Variants in TRIM37 observed in about 807,000 individuals in gnomAD.
TRIM37 encodes the protein tripartite motif containing 37.
In TRIM37, 80 loss-of-function variants were observed where a neutral mutation model predicts 129.8. The observed-to-expected ratio is 0.62, with a 90% CI of 0.51 to 0.74. The LOEUF (loss-of-function observed/expected upper bound fraction) is 0.74, where lower values mean the gene tolerates loss of function less well. Ranked by LOEUF, TRIM37 falls within the 30% of genes least tolerant of loss-of-function variation. The pLI, the probability that TRIM37 is intolerant of heterozygous loss-of-function variation, is 0.00. For synonymous variants in TRIM37, 389 were observed against 387.1 expected (o/e 1.00, Z -0.06); for missense variants, 1,054 against 1,176.5 (o/e 0.90, Z 1.52).
chr17:59,079,893 G>C lies in TRIM37; in HGVS notation c.493-16C>G. ...CATTCCTTTCCTAGAAGATAAAGAGGTAAGAATAATTTTAATTGGGTAAAT... is the reference window on the plus strand; with the variant it reads ...CATTCCTTTCCTAGAAGATAAAGAGCTAAGAATAATTTTAATTGGGTAAAT... On this transcript the variant is annotated splice_polypyrimidine_tract_variant and intron_variant, in intron 6 of 23. Coordinates refer to ENST00000262294, the MANE Select transcript of TRIM37 (RefSeq NM_015294.6). 6.2e-7 allele frequency: 1 copy of C among 1,612,848 alleles called. No homozygotes were observed. Among genetic ancestry groups the C allele is most frequent in the Non-Finnish European group, 8.5e-7 (1 of 1,179,188 alleles).
intron 4 of TRIM37, among the ~76,000 whole-genome samples, chr17:59,086,587 T>C (rs978399178): frequency 1.3e-5 from 2 of 152,132 alleles, no homozygotes; most frequent in Admixed American, 1.3e-4. Flanking sequence ...GACACTGAGC[T>C]TAGAGAAAAT....
At chr17:59,077,259 T>C (rs2042888593) in intron 7 of TRIM37, among the ~76,000 whole-genome samples, 1 of 149,612 alleles carries the variant, frequency 6.7e-6, no homozygotes, top group African/African-American at 2.4e-5. Context: ...CACACCTGGC[T>C]AATTTTTCTT....
Position 59,064,514 on chromosome 17 carries a change from A to T in TRIM37, c.810-109T>A. The T allele has an allele frequency of 1.4e-5, 10 of 711,344 alleles. No homozygotes were observed. In the South Asian group the frequency reaches 1.6e-4, roughly 11 times the overall value. The allele number at this position is 711,344 out of a possible 1,614,324, so 44.1% of individuals were successfully genotyped here. On this transcript the variant is annotated intron_variant, in intron 9 of 23. Transcript: ENST00000262294. ...ATCTTAAAAACTTTATTAAACTAAA[A>T]TCTAAGAAATATTTTTAAATCTTTA...
chr17:58,981,240 C>T, downstream of TRIM37: 1 of 526,748 alleles, frequency 1.9e-6, no homozygotes, highest in Non-Finnish European at 3.3e-6. Flanking sequence ...CAAAATTACA[C>T]AGCTGGTCCC....
At chr17:59,094,445 T>C (rs1266169291) in intron 2 of TRIM37, among the ~76,000 whole-genome samples, 1 of 152,194 alleles carries the variant, frequency 6.6e-6, no homozygotes, top group Admixed American at 6.6e-5. Context: ...AGTATTCAGA[T>C]CTGTGTCTGA....
intron 14 of TRIM37, among the ~76,000 whole-genome samples, chr17:59,050,838 G>A (rs183395534): frequency 2.6e-5 from 4 of 152,136 alleles, no homozygotes; most frequent in East Asian, 1.9e-4. Context: ...AAATTAGCCC[G>A]GTGTGGTGGC....
intron 5 of TRIM37, among the ~76,000 whole-genome samples, chr17:59,082,472 T>C (rs1363516610): frequency 2.0e-5 from 3 of 152,132 alleles, no homozygotes; most frequent in Non-Finnish European, 4.4e-5. Context: ...GATATGTTCA[T>C]CACCAAATCC....
At chr17:59,067,791 C>T (rs71372872) in intron 9 of TRIM37, among the ~76,000 whole-genome samples, 2 of 144,252 alleles carry the variant, frequency 1.4e-5, no homozygotes, top group African/African-American at 2.4e-5. Flanking sequence ...CCGCCTCGGC[C>T]TCCCAAGGTG....
chr17:59,021,074 C>T (rs2145266330), intron 19 of TRIM37, among the ~76,000 whole-genome samples: 1 of 152,266 alleles, frequency 6.6e-6, no homozygotes, highest in Non-Finnish European at 1.5e-5. Context: ...TGGAAGCAAC[C>T]TAAGATCCAC....
At chr17:58,980,475 A>T, downstream of TRIM37, 1 of 1,614,148 alleles carries the variant, frequency 6.2e-7, no homozygotes, top group Non-Finnish European at 8.5e-7. This position sits in a 1 kb window ranked among gnomAD's most constrained non-coding sequence, Gnocchi z 4.7. Flanking sequence ...GGCTACCTAG[A>T]TCTCACACAA....
intron 22 of TRIM37, among the ~76,000 whole-genome samples, chr17:59,009,706 A>G (rs1009417102): frequency 2.6e-5 from 4 of 152,156 alleles, no homozygotes; most frequent in African/African-American, 9.7e-5. Context: ...TTGGCCTCCC[A>G]AAGTGTTGGG....
At chr17:59,063,009 C>T (rs890890140) in intron 10 of TRIM37, among the ~76,000 whole-genome samples, 1 of 152,126 alleles carries the variant, frequency 6.6e-6, no homozygotes, top group African/African-American at 2.4e-5. Context: ...ATGTTTCTTC[C>T]TCGCTTCTCT....
At chr17:59,053,253 T>C (rs2040520910) in intron 13 of TRIM37, among the ~76,000 whole-genome samples, 2 of 152,176 alleles carry the variant, frequency 1.3e-5, no homozygotes, top group Admixed American at 1.3e-4. Flanking sequence ...GAATGAAACA[T>C]ACATTCATAG....
At position 59,106,504 on chromosome 17, in the gene TRIM37, C is replaced by G. The variant is rs774482623; in HGVS notation, c.-43G>C. The stretch of plus-strand genomic sequence containing the variant: ...GGGGCCGCTGGCGACCCGCAGGCTC[C>G]GCAGTCTGACCTCTTAGGCGCCGGC... On this transcript the variant is annotated 5_prime_UTR_variant, in exon 1 of 24. Coordinates refer to ENST00000262294, the MANE Select transcript of TRIM37 (RefSeq NM_015294.6). 6.2e-7 allele frequency: 1 copy of G among 1,612,346 alleles called. No homozygotes were observed. The highest frequency in any genetic ancestry group is 1.3e-5 in the African/African-American group (1 of 74,874).
In TRIM37 at chr17:59,003,052, T is replaced by C. The variant is rs138267545; in HGVS notation, c.2696-1338A>G. Among the ~76,000 whole-genome samples the C allele has an allele frequency of 2.4e-3, 360 of 152,268 alleles. 4 individuals are homozygous for C. Among genetic ancestry groups the C allele is most frequent in the African/African-American group, 8.3e-3 (344 of 41,548 alleles). On this transcript the variant is annotated intron_variant, in intron 22 of 23. Coordinates refer to ENST00000262294, the MANE Select transcript of TRIM37 (RefSeq NM_015294.6). Reference sequence around the variant, plus strand: ...ATCACACCTGGCTAATTTTTGTAATTTGTTAGTAGACATGGGATTTCGCCA... The same window carrying C: ...ATCACACCTGGCTAATTTTTGTAATCTGTTAGTAGACATGGGATTTCGCCA...
Position 59,042,786 on chromosome 17 carries a change from A to C in TRIM37, c.1668-888T>G, listed in dbSNP as rs980995549. ...TCAAGGAGGACAGGACAGGACAGGAAAGGAAAGGAAAGGAAGATTAAAAAA... is the reference window on the plus strand; with the variant it reads ...TCAAGGAGGACAGGACAGGACAGGACAGGAAAGGAAAGGAAGATTAAAAAA... On this transcript the variant is annotated intron_variant, in intron 16 of 23. Coordinates refer to ENST00000262294, the MANE Select transcript of TRIM37 (RefSeq NM_015294.6). Among the ~76,000 whole-genome samples, 27 of 152,008 alleles carry C rather than the reference A, an allele frequency of 1.8e-4. 1 individual carries two copies. Among genetic ancestry groups the C allele is most frequent in the South Asian group, 6.2e-4 (3 of 4,806 alleles).
rs1480565091 is a variant in TRIM37, at chr17:59,015,481, A to G, written c.2576+129T>C. ...TAAAAAAGTTAAAATTTAGTGCAAT[A>G]AATGTATTTTCTGTCCACTAAAAAA... is the stretch of plus-strand genomic sequence containing the variant. On this transcript the variant is annotated intron_variant, in intron 21 of 23. Coordinates refer to ENST00000262294, the MANE Select transcript of TRIM37 (RefSeq NM_015294.6). 6.2e-6 allele frequency: 6 copies of G among 970,008 alleles called. No individual in the cohort carries two copies. In the African/African-American group the frequency reaches 8.2e-5, roughly 13 times the overall value. The allele number at this position is 970,008 out of a possible 1,614,324, so 60.1% of individuals were successfully genotyped here.
chr17:59,040,198 GA>G (rs1462192560), intron 17 of TRIM37, among the ~76,000 whole-genome samples: 2 of 152,218 alleles, frequency 1.3e-5, no homozygotes, highest in East Asian at 3.9e-4. Context: ...GAGTCACCAA[GA>G]CTGGTAGAGA....
intron 16 of TRIM37, among the ~76,000 whole-genome samples, chr17:59,046,742 G>T (rs201741533): frequency 1.3e-5 from 2 of 150,182 alleles, no homozygotes; most frequent in African/African-American, 4.9e-5. Context: ...GGGTTTCACC[G>T]TGTTAGCCAG....
Sources: gnomAD v4.1 joint callset for allele counts (sites outside exome capture counted in the v4.1 genomes callset) on GRCh38, gnomAD v4.1.1 for gene constraint, Gnocchi (gnomAD v3.1) non-coding constraint, MANE v1.5 for transcripts, NCBI Gene and HGNC (gene_info 2026-07-23, HGNC 2026-07-21) for gene names.